Variants in CRADD observed in about 807,000 individuals in gnomAD.
CRADD encodes death domain-containing protein CRADD.
In CRADD, 9 loss-of-function variants were observed where a neutral mutation model predicts 15.5. That is an observed-to-expected ratio of 0.58 (90% CI 0.35 to 1.01). The LOEUF (loss-of-function observed/expected upper bound fraction) is 1.01. Ranked by LOEUF, CRADD falls within the 50% of genes least tolerant of loss-of-function variation. The probability of loss-of-function intolerance (pLI) is 0.02; values close to 1 mark genes in which losing one functional copy is unlikely to be tolerated. For missense variants in CRADD, 227 were observed against 250.3 expected (o/e 0.91, Z 0.63); for synonymous variants, 118 against 107.6 (o/e 1.10, Z -0.60).
chr12:93,686,351 G>A (rs1360551707), intron 2 of CRADD, among the ~76,000 whole-genome samples: 7 of 151,034 alleles, frequency 4.6e-5, no homozygotes, highest in Non-Finnish European at 8.9e-5. Flanking sequence ...ATGGTGTGAG[G>A]ATGTGGCCAA....
intron 2 of CRADD, among the ~76,000 whole-genome samples, chr12:93,817,988 G>A (rs993067667): frequency 6.6e-6 from 1 of 152,194 alleles, no homozygotes; most frequent in South Asian, 2.1e-4. Flanking sequence ...CTCTGCCAGG[G>A]TTCCCCCCGC....
At chr12:93,724,695 T>C (rs1458375790) in intron 2 of CRADD, among the ~76,000 whole-genome samples, 1 of 152,188 alleles carries the variant, frequency 6.6e-6, no homozygotes, top group East Asian at 1.9e-4. Flanking sequence ...AAACATAATG[T>C]AGATAATTTG....
chr12:93,688,203 A>G (rs1955482456), intron 2 of CRADD, among the ~76,000 whole-genome samples: 1 of 152,226 alleles, frequency 6.6e-6, no homozygotes, highest in Non-Finnish European at 1.5e-5. Flanking sequence ...TTTATTCATA[A>G]TTAAAAATGA....
intron 2 of CRADD, among the ~76,000 whole-genome samples, chr12:93,772,448 T>TAAAAG (rs1957094269): frequency 6.6e-6 from 1 of 152,258 alleles, no homozygotes; most frequent in Non-Finnish European, 1.5e-5. Context: ...ATTATGTCTA[T>TAAAAG]GCCATAGCCT....
At chr12:93,868,365 G>T (rs1430241275) in intron 2 of CRADD, among the ~76,000 whole-genome samples, 1 of 152,064 alleles carries the variant, frequency 6.6e-6, no homozygotes, top group African/African-American at 2.4e-5. Context: ...ATCTCTCAAA[G>T]AACATTGAAA....
rs559908547 is a variant in CRADD at position 93,702,107 on chromosome 12, G to A, written c.298+23035G>A. Among the ~76,000 whole-genome samples the A allele has an allele frequency of 9.2e-5, 14 of 152,210 alleles. No homozygotes were observed. In the South Asian group the frequency reaches 2.7e-3, roughly 29 times the overall value. On this transcript the variant is annotated intron_variant, in intron 2 of 2. Transcript: ENST00000332896. ...TGAGTTAAGTCAGGGACTATGCCTT[G>A]TTCACATCTGCTGCAGCCATCACAG...
intron 2 of CRADD, among the ~76,000 whole-genome samples, chr12:93,710,442 T>C (rs1322857980): frequency 6.8e-6 from 1 of 148,148 alleles, no homozygotes; most frequent in African/African-American, 2.5e-5. Flanking sequence ...GCCTCCTGGG[T>C]TCAAGCGATT....
chr12:93,680,693 G>A (rs907736054), intron 2 of CRADD, among the ~76,000 whole-genome samples: 1 of 152,158 alleles, frequency 6.6e-6, no homozygotes, highest in Non-Finnish European at 1.5e-5. Flanking sequence ...ATAACATAGA[G>A]TTGGAGAAAT....
intron 2 of CRADD, among the ~76,000 whole-genome samples, chr12:93,786,087 G>A (rs1202392391): frequency 6.6e-6 from 1 of 152,166 alleles, no homozygotes; most frequent in Admixed American, 6.5e-5. Flanking sequence ...GAATGATGTA[G>A]GTTTGATATA....
intron 2 of CRADD, among the ~76,000 whole-genome samples, chr12:93,679,929 G>C (rs1232966037): frequency 1.3e-5 from 2 of 152,190 alleles, no homozygotes; most frequent in East Asian, 3.8e-4. Flanking sequence ...TGTTTTTAAA[G>C]GTTATTCGTT....
At chr12:93,755,655 C>T (rs868045230) in intron 2 of CRADD, among the ~76,000 whole-genome samples, 3 of 152,278 alleles carry the variant, frequency 2.0e-5, no homozygotes, top group South Asian at 4.2e-4. Flanking sequence ...CCCAGTCAGC[C>T]GATTTAGGAG....
At chr12:93,888,110 C>T (rs1381330700) in intron 2 of CRADD, among the ~76,000 whole-genome samples, 1 of 152,120 alleles carries the variant, frequency 6.6e-6, no homozygotes, top group African/African-American at 2.4e-5. Flanking sequence ...GAAAGAGATT[C>T]AGTCTGGACA....
At chr12:93,855,905 C>G (rs1391287014) in intron 2 of CRADD, among the ~76,000 whole-genome samples, 1 of 152,210 alleles carries the variant, frequency 6.6e-6, no homozygotes, top group Non-Finnish European at 1.5e-5. Context: ...GCAATCTCCA[C>G]CTCCCTGGTT....
At chr12:93,780,242 A>G (rs918926201) in intron 2 of CRADD, among the ~76,000 whole-genome samples, 1 of 152,246 alleles carries the variant, frequency 6.6e-6, no homozygotes, top group African/African-American at 2.4e-5. Context: ...GGAATGTGTA[A>G]CATAAACATA....
At chr12:93,809,623 C>T (rs1001770626) in intron 2 of CRADD, among the ~76,000 whole-genome samples, 1 of 152,184 alleles carries the variant, frequency 6.6e-6, no homozygotes, top group African/African-American at 2.4e-5. Flanking sequence ...GCTTCCTAGA[C>T]CCCAAGGTCC....
intron 2 of CRADD, among the ~76,000 whole-genome samples, chr12:93,806,726 A>G (rs1957543818): frequency 6.6e-6 from 1 of 152,162 alleles, no homozygotes; most frequent in South Asian, 2.1e-4. Context: ...TACATGTTTC[A>G]TAAGGTAAAG....
chr12:93,852,612 C>A (rs1958237082), downstream of CRADD, among the ~76,000 whole-genome samples: 1 of 152,202 alleles, frequency 6.6e-6, no homozygotes, highest in East Asian at 1.9e-4. Flanking sequence ...TACCTCTGGC[C>A]ATGAAGAATA....
intron 2 of CRADD, among the ~76,000 whole-genome samples, chr12:93,763,822 A>G (rs189884431): frequency 8.5e-5 from 13 of 152,328 alleles, no homozygotes; most frequent in Non-Finnish European, 1.8e-4. Flanking sequence ...CAGGGATGAC[A>G]TGTGGGTCAG....
intron 2 of CRADD, among the ~76,000 whole-genome samples, chr12:93,688,271 G>A (rs111962814): frequency 1.4e-3 from 220 of 152,290 alleles, no homozygotes; most frequent in African/African-American, 5.2e-3. Flanking sequence ...GGGAGACCAA[G>A]GTGGGAGGAT....
Sources: gnomAD v4.1 joint callset for allele counts (sites outside exome capture counted in the v4.1 genomes callset) on GRCh38, gnomAD v4.1.1 for gene constraint, MANE v1.5 for transcripts, NCBI Gene and HGNC (gene_info 2026-07-23, HGNC 2026-07-21) for gene names.